The following PDE1C variants were observed in gnomAD, a reference collection of about 807,000 sequenced individuals.
The protein encoded by PDE1C is dual specificity calcium/calmodulin-dependent 3',5'-cyclic nucleotide phosphodiesterase 1C.
Under a neutral mutation model 93.1 loss-of-function variants are expected in PDE1C, and 62 were observed. The ratio of observed to expected loss-of-function variants is 0.67; its 90% CI spans 0.54 to 0.82. The LOEUF (loss-of-function observed/expected upper bound fraction) is 0.82. Among genes scored for constraint, PDE1C ranks in the 40% least tolerant of loss-of-function variants. The pLI is 0.00. For missense variants in PDE1C, 742 were observed against 884.6 expected, an observed-to-expected ratio of 0.84 and a Z score of 2.04; for synonymous variants, 325 against 310.1, an observed-to-expected ratio of 1.05 and a Z score of -0.50.
chr7:31,623,609 A>T, the PDE1C span, among the ~76,000 whole-genome samples: 22,383 of 136,392 alleles, frequency 0.16, 2,031 homozygotes, highest in East Asian at 0.25. Context: ...GTATCTCAAA[A>T]TAATAAGAGC....
intron 16 of PDE1C, chr7:31,790,328 A>G (rs1784439940): frequency 7.2e-7 from 1 of 1,393,830 alleles, no homozygotes; most frequent in East Asian, 2.3e-5. Flanking sequence ...CCACCCTCCA[A>G]GTCTGAGGAG....
chr7:32,009,275 C>T (rs61262661), intron 2 of PDE1C, among the ~76,000 whole-genome samples: 5,810 of 152,140 alleles, frequency 0.038, 372 homozygotes, highest in African/African-American at 0.13. Context: ...AGGTGGAGCC[C>T]AGTGAACTCT....
chr7:32,145,911 C>T (rs1002111029), intron 3 of PDE1C, among the ~76,000 whole-genome samples: 2 of 152,052 alleles, frequency 1.3e-5, no homozygotes, highest in African/African-American at 4.8e-5. Context: ...TCATTATCTG[C>T]AGTAAAAATA....
At chr7:31,832,958 A>G (rs1219492816) in intron 11 of PDE1C, among the ~76,000 whole-genome samples, 1 of 152,176 alleles carries the variant, frequency 6.6e-6, no homozygotes. Context: ...TCCTAGCTGT[A>G]GAGGGTTTGT....
chr7:32,271,424 T>C (rs1280054674), intron 1 of PDE1C, among the ~76,000 whole-genome samples: 3 of 152,348 alleles, frequency 2.0e-5, no homozygotes, highest in Non-Finnish European at 4.4e-5. Flanking sequence ...GAGGTATCAT[T>C]TCTTAAAGAG....
chr7:31,897,305 T>C (rs1362090308), intron 2 of PDE1C, among the ~76,000 whole-genome samples: 1 of 152,232 alleles, frequency 6.6e-6, no homozygotes, highest in Non-Finnish European at 1.5e-5. Flanking sequence ...ACAGTTTTTT[T>C]GTCACGCAAG....
chr7:32,333,881 A>G (rs1476834613), intron 1 of PDE1C, among the ~76,000 whole-genome samples: 2 of 152,214 alleles, frequency 1.3e-5, no homozygotes, highest in Non-Finnish European at 2.9e-5. Flanking sequence ...TTTAACGAGG[A>G]TTAAGGGTTA....
intron 1 of PDE1C, among the ~76,000 whole-genome samples, chr7:32,212,603 G>C (rs934946175): frequency 1.3e-5 from 2 of 152,150 alleles, no homozygotes; most frequent in Non-Finnish European, 2.9e-5. Flanking sequence ...ACATGCGCTA[G>C]ATGGACAATC....
intron 2 of PDE1C, among the ~76,000 whole-genome samples, chr7:32,194,193 C>T (rs368786660): frequency 2.6e-5 from 4 of 152,114 alleles, no homozygotes; most frequent in East Asian, 1.9e-4. Context: ...GGATTATGGG[C>T]GTGAGCCAGG....
chr7:32,018,256 C>T (rs1788180624), intron 2 of PDE1C, among the ~76,000 whole-genome samples: 1 of 151,890 alleles, frequency 6.6e-6, no homozygotes, highest in Non-Finnish European at 1.5e-5. Context: ...AATGACTTGG[C>T]AGCACCTCAA....
chr7:31,982,609 T>G (rs1402329934), intron 2 of PDE1C, among the ~76,000 whole-genome samples: 1 of 151,506 alleles, frequency 6.6e-6, no homozygotes, highest in Non-Finnish European at 1.5e-5. Context: ...AAAATCTGAG[T>G]GACAAGCCAA....
At chr7:32,212,500 G>A (rs182678481) in intron 1 of PDE1C, among the ~76,000 whole-genome samples, 1 of 152,274 alleles carries the variant, frequency 6.6e-6, no homozygotes, top group East Asian at 1.9e-4. Flanking sequence ...AGGGTCTCCC[G>A]TGATGCTGTA....
intron 1 of PDE1C, among the ~76,000 whole-genome samples, chr7:32,412,753 G>A (rs11978783): frequency 0.03 from 4,517 of 152,198 alleles, 228 homozygotes; most frequent in African/African-American, 0.1. Flanking sequence ...ATGAAATATT[G>A]CTCAGCAATT....
At chr7:31,628,043 C>T in the PDE1C span, among the ~76,000 whole-genome samples, 1 of 152,278 alleles carries the variant, frequency 6.6e-6, no homozygotes, top group African/African-American at 2.4e-5. Flanking sequence ...GTCTTTGTCA[C>T]CCCAGGCCTA....
At chr7:32,365,554 G>A (rs181538983) in intron 1 of PDE1C, among the ~76,000 whole-genome samples, 4 of 152,170 alleles carry the variant, frequency 2.6e-5, no homozygotes, top group African/African-American at 9.6e-5. Flanking sequence ...CAGACCTACA[G>A]TCCACCCTAG....
At chr7:31,624,984 AAAG>A in the PDE1C span, among the ~76,000 whole-genome samples, 1 of 152,242 alleles carries the variant, frequency 6.6e-6, no homozygotes, top group Non-Finnish European at 1.5e-5. Context: ...ACACTTCTCA[AAAG>A]AAGACATTTA....
At chr7:32,084,549 A>T (rs1796938971) in intron 3 of PDE1C, among the ~76,000 whole-genome samples, 1 of 151,458 alleles carries the variant, frequency 6.6e-6, no homozygotes, top group South Asian at 2.1e-4. Flanking sequence ...CAGAATATAC[A>T]TTTTTTTCAG....
At chr7:31,703,977 T>A in the PDE1C span, among the ~76,000 whole-genome samples, 1 of 152,190 alleles carries the variant, frequency 6.6e-6, no homozygotes, top group African/African-American at 2.4e-5. Flanking sequence ...GCAGAAAGCA[T>A]TGGTTCTGAC....
At chr7:31,943,631 T>C (rs1000217674) in intron 2 of PDE1C, among the ~76,000 whole-genome samples, 6 of 152,154 alleles carry the variant, frequency 3.9e-5, no homozygotes, top group Non-Finnish European at 4.4e-5. Flanking sequence ...TATAAACCCA[T>C]GAACAATGAC....
Sources: gnomAD v4.1 joint callset for allele counts (sites outside exome capture counted in the v4.1 genomes callset) on GRCh38, gnomAD v4.1.1 for gene constraint, MANE v1.5 for transcripts, NCBI Gene and HGNC (gene_info 2026-07-23, HGNC 2026-07-21) for gene names.